The following ARHGAP33 variants were observed in gnomAD, a reference collection of about 807,000 sequenced individuals.
ARHGAP33 encodes rho GTPase-activating protein 33.
ARHGAP33 carries 57 observed loss-of-function variants against 126.2 expected under a neutral mutation model. The observed-to-expected ratio is 0.45, with a 90% confidence interval of 0.36 to 0.56. The LOEUF (loss-of-function observed/expected upper bound fraction) is 0.56, where lower values mean the gene tolerates loss of function less well. ARHGAP33 is among the 20% of genes least tolerant of loss of function. ARHGAP33 has a pLI of 0.00. For missense variants in ARHGAP33, 1,500 were observed against 1,748.3 expected, an observed-to-expected ratio of 0.86 and a Z score of 2.53; for synonymous variants, 711 against 755.0, an observed-to-expected ratio of 0.94 and a Z score of 0.95.
intron 1 of ARHGAP33, 55 bp downstream of exon 1, chr19:35,775,719 C>T: frequency 6.8e-7 from 1 of 1,474,296 alleles, no homozygotes. Flanking sequence ...TCTGTCCGTG[C>T]GCAGCCCCGC....
rs1972149962 is a variant in ARHGAP33, at chr19:35,787,019, A to G, written c.2549A>G (p.Asp850Gly). The change falls in exon 20 of 21, where the codon GAC becomes GGC. Residue 850 changes from aspartate (D) to glycine (G), a missense_variant. By Grantham distance (94) the Asp-to-Gly change is moderately conservative. Coordinates refer to ENST00000007510, the MANE Select transcript of ARHGAP33 (RefSeq NM_001366178.1). ...LLRGAEAPLT[D>G]ACQQEMCSKL... ...CGAGGAGCCGAGGCCCCGCTGACTGACGCCTGCCAGCAGGAGATGTGCAGC... is the reference window on the plus strand; with the variant it reads ...CGAGGAGCCGAGGCCCCGCTGACTGGCGCCTGCCAGCAGGAGATGTGCAGC... 2 of 1,609,516 alleles carry G rather than the reference A, an allele frequency of 1.2e-6. No individual in the cohort carries two copies. The highest frequency in any genetic ancestry group is 1.7e-6 in the Non-Finnish European group (2 of 1,177,948).
rs775198793 is a variant in ARHGAP33 at position 35,781,004 on chromosome 19, G to A, written c.914G>A (p.Arg305Gln). 1.2e-5 allele frequency: 19 copies of A among 1,611,792 alleles called. No homozygotes were observed. Among genetic ancestry groups the A allele is most frequent in the East Asian group, 6.7e-5 (3 of 44,870 alleles). Reference protein sequence around the residue: ...SRPSRQRLRQRGILRQRVFGC... With the variant: ...SRPSRQRLRQQGILRQRVFGC... ...CCTTCTCGGCAGCGGCTGCGGCAGC[G>A]GGGAATCCTGCGACAGAGGGTGTTT... Residue 305 changes from arginine to glutamine, a missense_variant, in exon 11 of 21, where the codon CGG (arginine) becomes CAG (glutamine). This residue lies in a region of ARHGAP33 where 281 missense variants were observed against 413.7 expected (regional missense o/e 0.68). Coordinates refer to ENST00000007510, the MANE Select transcript of ARHGAP33 (RefSeq NM_001366178.1).
rs1972239524 is a variant in ARHGAP33, at chr19:35,788,347, G to C, written c.3782G>C (p.Gly1261Ala). Residue 1261 changes from glycine to alanine, a missense_variant, in exon 21 of 21, where the codon GGG (glycine) becomes GCG (alanine). Physicochemically the swap from Gly to Ala is moderately conservative, Grantham distance 60. Transcript: ENST00000007510. ...GSLYRNGGQR[G>A]EGAGPPPPYP... ...TTGTACAGAAATGGAGGGCAAAGAG[G>C]GGAGGGGGCTGGTCCCCCACCCCCT... is the stretch of plus-strand genomic sequence containing the variant. The C allele has an allele frequency of 6.2e-7, 1 of 1,606,474 alleles. No homozygotes were observed. The highest frequency in any genetic ancestry group is 1.7e-5 in the Admixed American group (1 of 58,718).
At position 35,782,990 on chromosome 19, in the gene ARHGAP33, C is replaced by T; in HGVS notation, c.1421+121C>T. The stretch of plus-strand genomic sequence containing the variant: ...TGTCTATCAAATACCTCCCATGGAC[C>T]TGGCCCCGTCCCTAGCACTGGGGAC... On this transcript the variant is annotated intron_variant, in intron 15 of 20. Coordinates refer to ENST00000007510, the MANE Select transcript of ARHGAP33 (RefSeq NM_001366178.1). This position sits in a 1 kb window ranked among gnomAD's most constrained non-coding sequence, Gnocchi z 4.1. 1.2e-6 allele frequency: 1 copy of T among 852,466 alleles called. No individual in the cohort carries two copies. The highest frequency in any genetic ancestry group is 1.8e-6 in the Non-Finnish European group (1 of 543,802). The allele number at this position is 852,466 out of a possible 1,614,324, so 52.8% of individuals were successfully genotyped here. A position where few individuals can be genotyped will look rare whatever the true frequency, so the allele number is the denominator to read the frequency against.
In ARHGAP33 at chr19:35,787,301, C is replaced by A. The variant is rs769753980; in HGVS notation, c.2736C>A (p.Ala912=). ...LALAERAQQV[A]EQQSQQECGG... ...TGGCTGAGCGGGCTCAGCAGGTGGC[C>A]GAGCAACAGAGCCAGCAGGAGTGTG... The change falls in exon 21 of 21, where the codon GCC becomes GCA. Residue 912 remains alanine, a synonymous_variant. Coordinates refer to ENST00000007510, the MANE Select transcript of ARHGAP33 (RefSeq NM_001366178.1). The A allele has an allele frequency of 3.1e-6, 5 of 1,612,360 alleles. No individual in the cohort carries two copies. The highest frequency in any genetic ancestry group is 1.7e-5 in the Admixed American group (1 of 59,914).
chr19:35,784,752 C>G (rs1972010864), intron 16 of ARHGAP33: 1 of 1,355,394 alleles, frequency 7.4e-7, no homozygotes, highest in African/African-American at 1.5e-5. Flanking sequence ...CCGGGAGCTG[C>G]CTCCTCATCA....
chr19:35,785,229 G>T lies in ARHGAP33; in HGVS notation c.1762G>T (p.Gly588Cys), dbSNP rs368329944. Residue 588 changes from glycine to cysteine, a missense_variant, in exon 18 of 21, where the codon GGC becomes TGC. Physicochemically the swap from Gly to Cys is radical, Grantham distance 159. This residue lies in a region of ARHGAP33 where 300 missense variants were observed against 291.1 expected (regional missense o/e 1.03). Coordinates refer to ENST00000007510, the MANE Select transcript of ARHGAP33 (RefSeq NM_001366178.1). ...ERGEKQRKPG[G>C]SSWKTFFALG... is the part of the protein sequence containing the mutation. ...AGGGGAGAAGCAGCGGAAGCCAGGG[G>T]GCAGCAGCTGGAAGACGTTCTTTGC... 1.3e-6 allele frequency: 2 copies of T among 1,583,960 alleles called. No homozygotes were observed. Among genetic ancestry groups the T allele is most frequent in the African/African-American group, 1.4e-5 (1 of 73,604 alleles).
At position 35,786,793 on chromosome 19, in the gene ARHGAP33, AC is replaced by A. The variant is rs1231343254; in HGVS notation, c.2329del (p.Gln777ArgfsTer17). 5 of 1,444,354 alleles carry A rather than the reference AC, an allele frequency of 3.5e-6. No individual in the cohort carries two copies. The highest frequency in any genetic ancestry group is 1.5e-5 in the African/African-American group (1 of 67,218). The allele number at this position is 1,444,354 out of a possible 1,614,324, so 89.5% of individuals were successfully genotyped here. Reference sequence around the variant, plus strand: ...TGCCTCTGCCTTCCCACCCAGGGTGACCCCCCAGGCCATCTCGCCCCGGGGG... The same window carrying A: ...TGCCTCTGCCTTCCCACCCAGGGTGACCCCCAGGCCATCTCGCCCCGGGGG... ...APASAFPPRV[T>X]PQAISPRGPT... On this transcript the variant is annotated frameshift_variant, in exon 20 of 21. Coordinates refer to ENST00000007510, the MANE Select transcript of ARHGAP33 (RefSeq NM_001366178.1). LOFTEE classifies it high-confidence loss of function. The surrounding 1 kb of genome is among the most constrained non-coding windows in gnomAD (Gnocchi z 7.0).
intron 5 of ARHGAP33, 25 bp from the exon 6 acceptor site, chr19:35,779,007 G>T (rs1398958429): frequency 1.3e-6 from 2 of 1,543,420 alleles, no homozygotes; most frequent in South Asian, 2.4e-5. Flanking sequence ...ACTCACAGAG[G>T]CCCACTCTGA....
In ARHGAP33 at chr19:35,780,777, G is replaced by A. The variant is rs1971722150; in HGVS notation, c.790G>A (p.Gly264Ser). 2 of 1,613,770 alleles carry A rather than the reference G, an allele frequency of 1.2e-6. No individual in the cohort carries two copies. Among genetic ancestry groups the A allele is most frequent in the Admixed American group, 1.7e-5 (1 of 59,994 alleles). The change falls in exon 10 of 21, where the codon GGC becomes AGC. Residue 264 changes from glycine (G) to serine (S), a missense_variant. Transcript: ENST00000007510. Reference sequence around the variant, plus strand: ...AGCAGATGCCGATGGCCCCCCATGTGGCATCCCGGCTCCCCAGGGTATCTC... The same window carrying A: ...AGCAGATGCCGATGGCCCCCCATGTAGCATCCCGGCTCCCCAGGGTATCTC... ...LKADADGPPC[G>S]IPAPQGISSL...
rs572904160 is a variant in ARHGAP33, at chr19:35,778,742, T to G, written c.408+141T>G. The G allele has an allele frequency of 4.0e-6, 5 of 1,240,630 alleles. No individual in the cohort carries two copies. In the African/African-American group the frequency reaches 7.6e-5, roughly 19 times the overall value. 76.9% of individuals were successfully genotyped at this position (1,240,630 alleles called of 1,614,324 possible). A position where few individuals can be genotyped will look rare whatever the true frequency, so the allele number is the denominator to read the frequency against. ...ACCAATCTGAATGAATGGAGAAGCC[T>G]TAGAAACGTAGTAGGCTTCTGCTAC... On this transcript the variant is annotated intron_variant, in intron 5 of 20. Transcript: ENST00000007510.
intron 3 of ARHGAP33, 121 bp downstream of exon 3, chr19:35,778,029 C>A: frequency 1.7e-6 from 2 of 1,161,316 alleles, no homozygotes; most frequent in South Asian, 1.4e-5. Flanking sequence ...CGCGTCTGAG[C>A]AGTCAGTAGC....
rs528984139 is a variant in ARHGAP33 at position 35,786,658 on chromosome 19, C to T, written c.2188C>T (p.Arg730Cys). The T allele has an allele frequency of 1.8e-5, 28 of 1,535,804 alleles. No individual in the cohort carries two copies. The highest frequency in any genetic ancestry group is 7.3e-5 in the East Asian group (3 of 40,904). The change falls in exon 20 of 21, where the codon CGC becomes TGC. Residue 730 changes from arginine to cysteine, a missense_variant. Arg to Cys is a radical substitution (Grantham distance 180). Coordinates refer to ENST00000007510, the MANE Select transcript of ARHGAP33 (RefSeq NM_001366178.1). The surrounding 1 kb of genome is among the most constrained non-coding windows in gnomAD (Gnocchi z 7.0). ...DGDELDFSPP[R>C]CLEGLRGLDF... ...TGATGAGCTGGACTTCAGCCCACCCCGCTGCCTGGAGGGACTCCGGGGGCT... is the reference window on the plus strand; with the variant it reads ...TGATGAGCTGGACTTCAGCCCACCCTGCTGCCTGGAGGGACTCCGGGGGCT...
intron 6 of ARHGAP33, among the ~76,000 whole-genome samples, chr19:35,779,610 G>T (rs1471083538): frequency 6.7e-6 from 1 of 149,292 alleles, no homozygotes; most frequent in African/African-American, 2.5e-5. Context: ...TATATTTTCA[G>T]TAGAGACTGG....
chr19:35,776,439 C>T (rs1971464661), intron 1 of ARHGAP33, among the ~76,000 whole-genome samples: 2 of 152,186 alleles, frequency 1.3e-5, no homozygotes, highest in African/African-American at 4.8e-5. Context: ...AGTCAGCTCC[C>T]ATCCTGCCTT....
At chr19:35,785,705 TAA>T (rs1473277018) in intron 19 of ARHGAP33, 2 of 1,399,314 alleles carry the variant, frequency 1.4e-6, no homozygotes, top group African/African-American at 2.9e-5. Context: ...ACGGGCCCTT[TAA>T]AAGTCTTTAT....
In ARHGAP33 at chr19:35,787,385, C is replaced by A. The variant is rs538842709; in HGVS notation, c.2820C>A (p.Gly940=). The change falls in exon 21 of 21, where the codon GGC becomes GGA. Residue 940 remains glycine (G), a synonymous_variant. Transcript: ENST00000007510. ...PFHRSLSLEV[G]GEPLGTSGSG... ...ACCGCTCGCTGTCTCTGGAGGTGGGCGGGGAGCCCCTGGGGACCTCAGGGA... is the reference window on the plus strand; with the variant it reads ...ACCGCTCGCTGTCTCTGGAGGTGGGAGGGGAGCCCCTGGGGACCTCAGGGA... 26 of 1,609,158 alleles carry A rather than the reference C, an allele frequency of 1.6e-5. No individual in the cohort carries two copies. The highest frequency in any genetic ancestry group is 2.2e-5 in the Non-Finnish European group (26 of 1,177,502).
In ARHGAP33 at chr19:35,777,882, G is replaced by T. The variant is rs750991706; in HGVS notation, c.163G>T (p.Glu55Ter). The change falls in exon 3 of 21, where the codon GAG (glutamate) becomes TAG (stop). Residue 55 changes from glutamate to a stop codon, truncating the protein, a stop_gained. Transcript: ENST00000007510. LOFTEE classifies it high-confidence loss of function. ...GGCTGACTGCGCCCATTTCCACTAC[G>T]AGAACGTTGACTTTGGCCACATTCA... ...RLADCAHFHY[E>*]NVDFGHIQLL... 1 of 1,614,182 alleles carries T rather than the reference G, an allele frequency of 6.2e-7. No homozygotes were observed.
chr19:35,780,460 G>C lies in ARHGAP33; in HGVS notation c.664G>C (p.Glu222Gln), dbSNP rs760961377. 6.2e-7 allele frequency: 1 copy of C among 1,601,950 alleles called. No homozygotes were observed. Among genetic ancestry groups the C allele is most frequent in the South Asian group, 1.1e-5 (1 of 89,800 alleles). Reference sequence around the variant, plus strand: ...CTCGGTGATCGACATGCCACCCACAGAGGATCGGAGCTGGTGGCGGGGCAA... The same window carrying C: ...CTCGGTGATCGACATGCCACCCACACAGGATCGGAGCTGGTGGCGGGGCAA... The part of the protein sequence containing the change: ...IVSVIDMPPT[E>Q]DRSWWRGKRG... Residue 222 changes from glutamate to glutamine, a missense_variant, in exon 8 of 21, where the codon GAG (glutamate) becomes CAG (glutamine). This residue lies in a region of ARHGAP33 where 281 missense variants were observed against 413.7 expected (regional missense o/e 0.68). Transcript: ENST00000007510.
Sources: gnomAD v4.1 joint callset for allele counts (sites outside exome capture counted in the v4.1 genomes callset) on GRCh38, gnomAD v4.1.1 for gene constraint, gnomAD v4.1.1 regional missense constraint, Gnocchi (gnomAD v3.1) non-coding constraint, MANE v1.5 for transcripts, NCBI Gene and HGNC (gene_info 2026-07-23, HGNC 2026-07-21) for gene names.